The following UPK1B variants were observed in gnomAD, a reference collection of about 807,000 sequenced individuals.
The protein encoded by UPK1B is uroplakin 1B.
A neutral mutation model predicts 34.2 loss-of-function variants in UPK1B; 28 were observed. That is an observed-to-expected ratio of 0.82 (90% CI 0.61 to 1.12). UPK1B has a LOEUF of 1.12. UPK1B is among the 50% of genes most tolerant of loss of function. The pLI, the probability that UPK1B is intolerant of heterozygous loss-of-function variation, is 0.00. For missense variants in UPK1B, 325 were observed against 320.9 expected (o/e 1.01, Z -0.10); for synonymous variants, 81 against 110.4 (o/e 0.73, Z 1.67).
intron 7 of UPK1B, among the ~76,000 whole-genome samples, chr3:119,201,887 T>C (rs2078092710): frequency 6.6e-6 from 1 of 152,184 alleles, no homozygotes; most frequent in Admixed American, 6.5e-5. Context: ...CAAGCATTTG[T>C]TGAATGAATG....
At chr3:119,187,346 G>T (rs960160996) in intron 2 of UPK1B, among the ~76,000 whole-genome samples, 12 of 152,186 alleles carry the variant, frequency 7.9e-5, no homozygotes, top group African/African-American at 2.9e-4. Flanking sequence ...TCAAGGCTGA[G>T]ATTCCTCATC....
intron 1 of UPK1B, among the ~76,000 whole-genome samples, chr3:119,176,616 G>A (rs1199646316): frequency 6.6e-6 from 1 of 152,158 alleles, no homozygotes; most frequent in African/African-American, 2.4e-5. Context: ...CCTTTACATG[G>A]AAAATATTTC....
chr3:119,186,101 G>A (rs1166232146), intron 1 of UPK1B, among the ~76,000 whole-genome samples: 1 of 152,224 alleles, frequency 6.6e-6, no homozygotes, highest in Non-Finnish European at 1.5e-5. Flanking sequence ...ACTGGGTTAT[G>A]AGAATTAGAT....
At chr3:119,192,330 G>A (rs1417082584) in intron 5 of UPK1B, among the ~76,000 whole-genome samples, 1 of 151,742 alleles carries the variant, frequency 6.6e-6, no homozygotes, top group Non-Finnish European at 1.5e-5. Context: ...CCTTCTCTGT[G>A]GGTCACTCTT....
chr3:119,186,951 G>A (rs1233042686), intron 2 of UPK1B, 141 bp downstream of exon 2: 1 of 783,032 alleles, frequency 1.3e-6, no homozygotes, highest in Non-Finnish European at 2.0e-6. Flanking sequence ...AAATGTGTTA[G>A]TAAATATGCT....
chr3:119,196,539 T>C lies in UPK1B; in HGVS notation c.648+2141T>C, dbSNP rs1041986973. The stretch of plus-strand genomic sequence containing the variant: ...TAGTGAATGGTTTTTCTTTTTCTTT[T>C]TTTTTTTTTTTTTTTGAGATGGAGC... On this transcript the variant is annotated intron_variant, in intron 6 of 7. Transcript: ENST00000264234. Among the ~76,000 whole-genome samples, 4 of 143,632 alleles carry C rather than the reference T, an allele frequency of 2.8e-5. No individual in the cohort carries two copies. In the South Asian group the frequency reaches 9.5e-4, roughly 34 times the overall value. The allele number at this position is 143,632 out of a possible 152,430, so 94.2% of individuals were successfully genotyped here.
At chr3:119,201,194 A>G (rs2078088897) in intron 7 of UPK1B, among the ~76,000 whole-genome samples, 1 of 152,252 alleles carries the variant, frequency 6.6e-6, no homozygotes, top group African/African-American at 2.4e-5. Flanking sequence ...ACAGTGAAAA[A>G]GGCAAATAAA....
chr3:119,175,494 G>C (rs983975902), intron 1 of UPK1B, among the ~76,000 whole-genome samples: 17 of 152,160 alleles, frequency 1.1e-4, no homozygotes, highest in Admixed American at 1.0e-3. Flanking sequence ...ATTGGTGAGG[G>C]GGCACCATCA....
intron 1 of UPK1B, chr3:119,176,156 T>G (rs2107569779): frequency 6.6e-6 from 1 of 152,394 alleles, no homozygotes; most frequent in South Asian, 2.1e-4. Flanking sequence ...TTTCTTCCTC[T>G]CCTATTTTTC....
intron 5 of UPK1B, 68 bp from the exon 6 acceptor site, chr3:119,194,151 C>T: frequency 7.1e-7 from 1 of 1,416,012 alleles, no homozygotes; most frequent in Non-Finnish European, 9.5e-7. Context: ...TATAAAATTT[C>T]AGTTGCTACA....
At chr3:119,191,239 C>T in intron 5 of UPK1B, 135 bp downstream of exon 5, 1 of 1,130,462 alleles carries the variant, frequency 8.8e-7, no homozygotes, top group Non-Finnish European at 1.2e-6. Context: ...ATGATTTTGT[C>T]AAGAAACTTA....
chr3:119,175,007 A>ATTTTTTTTTTTTT (rs2077948006), intron 1 of UPK1B, among the ~76,000 whole-genome samples: 2 of 39,726 alleles, frequency 5.0e-5, no homozygotes, highest in African/African-American at 1.6e-4. Flanking sequence ...TTTTTCTTTT[A>ATTTTTTTTTTTTT]TTTTCTTTTT....
At chr3:119,194,131 C>T in intron 5 of UPK1B, 88 bp from the exon 6 acceptor site, 1 of 1,307,872 alleles carries the variant, frequency 7.6e-7, no homozygotes, top group Non-Finnish European at 1.0e-6. Context: ...CTTTCCGTAT[C>T]TTCTTTCTCT....
chr3:119,199,737 C>T (rs946119851), intron 7 of UPK1B, among the ~76,000 whole-genome samples: 1 of 152,308 alleles, frequency 6.6e-6, no homozygotes, highest in South Asian at 2.1e-4. Flanking sequence ...TGAGCCAAGG[C>T]ACTTTTATTT....
chr3:119,186,607 T>C (rs970345799), intron 1 of UPK1B, 107 bp from the exon 2 acceptor site: 13 of 761,196 alleles, frequency 1.7e-5, no homozygotes, highest in Non-Finnish European at 2.8e-5. Flanking sequence ...GCTAAAAGAT[T>C]ATATGGCTTT....
chr3:119,200,208 G>A (rs1468149383), intron 7 of UPK1B, among the ~76,000 whole-genome samples: 1 of 152,134 alleles, frequency 6.6e-6, no homozygotes, highest in African/African-American at 2.4e-5. Context: ...GCACACCATT[G>A]TGCCTGGCTA....
chr3:119,204,902 C>T lies in UPK1B; in HGVS notation c.*935C>T, dbSNP rs2078112877. The T allele has an allele frequency of 6.6e-6, 1 of 152,252 alleles. No individual in the cohort carries two copies. The highest frequency in any genetic ancestry group is 6.5e-5 in the Admixed American group (1 of 15,270). The allele number at this position is 152,252 out of a possible 1,614,324, so 9.4% of individuals were successfully genotyped here. A position where few individuals can be genotyped will look rare whatever the true frequency, so the allele number is the denominator to read the frequency against. On this transcript the variant is annotated 3_prime_UTR_variant, in exon 8 of 8. Transcript: ENST00000264234. ...AACAAACAAAAAAGCGTGGGGACTTCTGGGGACAGACAAGGTGCCTGTTAT... is the reference window on the plus strand; with the variant it reads ...AACAAACAAAAAAGCGTGGGGACTTTTGGGGACAGACAAGGTGCCTGTTAT...
rs149106850 is a variant in UPK1B, at chr3:119,176,491, A to T, written c.-29+2853A>T. Among the ~76,000 whole-genome samples the T allele has an allele frequency of 4.8e-3, 734 of 152,358 alleles. 16 individuals are homozygous for T. The highest frequency in any genetic ancestry group is 0.03 in the Admixed American group (458 of 15,308). ...AGAAATATAATTCTAGCTTTAAAAA[A>T]ATCTGCACTCTTTAAAGCAAAGGAA... On this transcript the variant is annotated intron_variant, in intron 1 of 7. Transcript: ENST00000264234.
rs1576874492 is a variant in UPK1B, at chr3:119,204,157, T to C, written c.*190T>C. The stretch of plus-strand genomic sequence containing the variant: ...TTCTCATGACTCCTACTTTTCATCC[T>C]AGTCTAGCATTCTGCAACATTTATA... On this transcript the variant is annotated 3_prime_UTR_variant, in exon 8 of 8. Coordinates refer to ENST00000264234, the MANE Select transcript of UPK1B (RefSeq NM_006952.4). 1 of 593,226 alleles carries C rather than the reference T, an allele frequency of 1.7e-6. No individual in the cohort carries two copies. Among genetic ancestry groups the C allele is most frequent in the South Asian group, 2.4e-5 (1 of 42,072 alleles). 36.7% of individuals were successfully genotyped at this position (593,226 alleles called of 1,614,324 possible).
Sources: gnomAD v4.1 joint callset for allele counts (sites outside exome capture counted in the v4.1 genomes callset) on GRCh38, gnomAD v4.1.1 for gene constraint, MANE v1.5 for transcripts, NCBI Gene and HGNC (gene_info 2026-07-23, HGNC 2026-07-21) for gene names.